CRACDL: variants seen among roughly 807,000 people sequenced by gnomAD.
The protein encoded by CRACDL is CRACD-like protein.
A neutral mutation model predicts 70.6 loss-of-function variants in CRACDL; 26 were observed. The ratio of observed to expected loss-of-function variants is 0.37; its 90% CI spans 0.27 to 0.51. CRACDL has a LOEUF of 0.51. CRACDL is among the 20% of genes least tolerant of loss of function. The pLI is 0.94. For missense variants in CRACDL, 1,283 were observed against 1,376.9 expected, an observed-to-expected ratio of 0.93 and a Z score of 1.08; for synonymous variants, 618 against 615.2, an observed-to-expected ratio of 1.00 and a Z score of -0.07.
chr2:98,860,800 C>T (rs571009968), intron 1 of CRACDL, among the ~76,000 whole-genome samples: 4 of 152,160 alleles, frequency 2.6e-5, no homozygotes, highest in Non-Finnish European at 5.9e-5. Context: ...ATTCAAAGGA[C>T]TCTCAAGAAA....
chr2:98,824,062 T>G (rs1705208766), intron 6 of CRACDL, among the ~76,000 whole-genome samples: 1 of 152,218 alleles, frequency 6.6e-6, no homozygotes, highest in Admixed American at 6.5e-5. Flanking sequence ...ACTTCAGGAA[T>G]GTACCCTCAT....
intron 1 of CRACDL, chr2:98,908,552 T>C (rs72957656): frequency 0.01 from 1,598 of 152,430 alleles, 34 homozygotes; most frequent in East Asian, 0.074. Context: ...AGAAAGATTT[T>C]ATCAGCCCAA....
chr2:98,820,253 G>A (rs1270313374), intron 7 of CRACDL, among the ~76,000 whole-genome samples: 1 of 152,116 alleles, frequency 6.6e-6, no homozygotes, highest in East Asian at 1.9e-4. Flanking sequence ...CAGCAGGTCA[G>A]GCATGGTGGC....
chr2:98,881,566 G>T (rs928297159), intron 1 of CRACDL, among the ~76,000 whole-genome samples: 6 of 152,214 alleles, frequency 3.9e-5, no homozygotes, highest in Non-Finnish European at 7.3e-5. Flanking sequence ...TTGGAATGCA[G>T]GCAGAGTAGA....
chr2:98,862,807 C>A (rs1387800264), intron 1 of CRACDL, among the ~76,000 whole-genome samples: 4 of 151,498 alleles, frequency 2.6e-5, no homozygotes, highest in South Asian at 2.1e-4. Flanking sequence ...ATGAAGTGGA[C>A]CAACATACAC....
chr2:98,794,322 GT>G lies in CRACDL; in HGVS notation c.*209del. ...CTGGTTCCTGGACTTTTTCAATGTT[GT>G]TCTTGTTTCTGGGCCCTCTGGCCCA... On this transcript the variant is annotated 3_prime_UTR_variant, in exon 10 of 10. Coordinates refer to ENST00000397899, the MANE Select transcript of CRACDL (RefSeq NM_207362.3). 2.2e-6 allele frequency: 1 copy of G among 451,916 alleles called. No individual in the cohort carries two copies. Among genetic ancestry groups the G allele is most frequent in the Non-Finnish European group, 3.9e-6 (1 of 256,060 alleles). The allele number at this position is 451,916 out of a possible 1,614,324, so 28.0% of individuals were successfully genotyped here. A position where few individuals can be genotyped will look rare whatever the true frequency, so the allele number is the denominator to read the frequency against.
rs143527317 is a variant in CRACDL at position 98,897,511 on chromosome 2, T to C, written c.-11+38427A>G. The C allele has an allele frequency of 2.3e-4, 143 of 631,286 alleles. 1 individual carries two copies. The highest frequency in any genetic ancestry group is 2.2e-3 in the African/African-American group (118 of 52,594). The allele number at this position is 631,286 out of a possible 1,614,324, so 39.1% of individuals were successfully genotyped here. A position where few individuals can be genotyped will look rare whatever the true frequency, so the allele number is the denominator to read the frequency against. ...AACAGATGAGCAAAACACCAAAACC[T>C]TGAAGGTTTCATAACTTTTTCTGGT... On this transcript the variant is annotated intron_variant, in intron 1 of 9. Transcript: ENST00000397899.
At chr2:98,907,934 A>C (rs966595872) in intron 1 of CRACDL, among the ~76,000 whole-genome samples, 2 of 152,256 alleles carry the variant, frequency 1.3e-5, no homozygotes, top group African/African-American at 4.8e-5. Context: ...TTCTTGAAGC[A>C]GAAAACCTAA....
chr2:98,869,043 C>A (rs1423782425), intron 1 of CRACDL: 1 of 1,281,782 alleles, frequency 7.8e-7, no homozygotes, highest in Admixed American at 2.3e-5. Flanking sequence ...CCTCGCGACT[C>A]TCCCCCACCA....
chr2:98,804,925 C>A (rs1187702314), intron 7 of CRACDL, among the ~76,000 whole-genome samples: 2 of 152,212 alleles, frequency 1.3e-5, no homozygotes, highest in Admixed American at 6.5e-5. Context: ...CTTCTCAGAG[C>A]ATAACTTCCT....
intron 9 of CRACDL, 128 bp from the exon 10 acceptor site, chr2:98,794,799 T>C: frequency 1.5e-6 from 1 of 675,586 alleles, no homozygotes; most frequent in South Asian, 2.4e-5. Context: ...AATTCAATAA[T>C]ATGTCAACAT....
At chr2:98,879,855 G>A (rs1016504255) in intron 1 of CRACDL, among the ~76,000 whole-genome samples, 1 of 152,188 alleles carries the variant, frequency 6.6e-6, no homozygotes, top group Non-Finnish European at 1.5e-5. Context: ...CTCAGCCTCT[G>A]TATTTCAAAG....
At chr2:98,932,433 G>A (rs991551548) in intron 1 of CRACDL, among the ~76,000 whole-genome samples, 2 of 152,186 alleles carry the variant, frequency 1.3e-5, no homozygotes, top group Admixed American at 6.5e-5. Context: ...GCTTGACAAG[G>A]GCTCATCTTA....
chr2:98,824,541 G>A (rs1397983726), intron 6 of CRACDL, among the ~76,000 whole-genome samples: 2 of 152,140 alleles, frequency 1.3e-5, no homozygotes, highest in Non-Finnish European at 2.9e-5. Flanking sequence ...AGGTAACCAA[G>A]AATCATTCAA....
chr2:98,872,995 T>C (rs1707389785), intron 1 of CRACDL, among the ~76,000 whole-genome samples: 2 of 152,238 alleles, frequency 1.3e-5, no homozygotes, highest in African/African-American at 4.8e-5. Flanking sequence ...TAGTTTCTTT[T>C]AAAGACAAGG....
intron 9 of CRACDL, among the ~76,000 whole-genome samples, chr2:98,795,462 G>T (rs1239202010): frequency 6.6e-6 from 1 of 152,098 alleles, no homozygotes; most frequent in African/African-American, 2.4e-5. Context: ...ATATAAAAGG[G>T]TACATACGTT....
intron 3 of CRACDL, among the ~76,000 whole-genome samples, chr2:98,834,374 G>A (rs1705679848): frequency 1.3e-5 from 2 of 152,170 alleles, no homozygotes; most frequent in Admixed American, 1.3e-4. Flanking sequence ...TACAATGGAG[G>A]ACTCCACAGC....
chr2:98,827,066 G>T lies in CRACDL; in HGVS notation c.644C>A (p.Ser215Tyr). The change falls in exon 6 of 10, where the codon TCC becomes TAC. Residue 215 changes from serine (S) to tyrosine (Y), a missense_variant. Ser to Tyr is a moderately radical substitution (Grantham distance 144, BLOSUM62 -2). Around this residue, in one of 2 missense-constraint regions of CRACDL, gnomAD observed 362 missense variants for 495.0 expected, o/e 0.73. Transcript: ENST00000397899. ...PVADFSYPAE[S>Y]SSCLDNSAAK... is the part of the protein sequence containing the mutation. ...TGCAGAGTTGTCCAGGCAGGAGGAG[G>T]ATTCTGCAGGATAACTGAAGTCAGC... The T allele has an allele frequency of 1.2e-6, 2 of 1,614,084 alleles. No individual in the cohort carries two copies. Among genetic ancestry groups the T allele is most frequent in the Admixed American group, 1.7e-5 (1 of 60,030 alleles).
intron 7 of CRACDL, among the ~76,000 whole-genome samples, chr2:98,821,630 G>C (rs1288131850): frequency 6.6e-6 from 1 of 152,246 alleles, no homozygotes; most frequent in Non-Finnish European, 1.5e-5. Context: ...TTTTAAGAAA[G>C]TTTACGAATT....
Sources: gnomAD v4.1 joint callset for allele counts (sites outside exome capture counted in the v4.1 genomes callset) on GRCh38, gnomAD v4.1.1 for gene constraint, gnomAD v4.1.1 regional missense constraint, MANE v1.5 for transcripts, NCBI Gene and HGNC (gene_info 2026-07-23, HGNC 2026-07-21) for gene names.